Variants in PTPN21 observed in about 807,000 individuals in gnomAD.
PTPN21 encodes protein tyrosine phosphatase non-receptor type 21, also known as tyrosine-protein phosphatase non-receptor type 21.
A neutral mutation model predicts 131.8 loss-of-function variants in PTPN21; 77 were observed. The observed-to-expected ratio is 0.58, with a 90% confidence interval of 0.49 to 0.71. The LOEUF is 0.71. PTPN21 is among the 30% of genes least tolerant of loss of function. The probability of loss-of-function intolerance (pLI) is 0.00; values close to 1 mark genes in which losing one functional copy is unlikely to be tolerated. For synonymous variants in PTPN21, 715 were observed against 621.3 expected, an observed-to-expected ratio of 1.15 and a Z score of -2.24; for missense variants, 1,552 against 1,527.1, an observed-to-expected ratio of 1.02 and a Z score of -0.27.
chr14:88,517,661 C>CAGGTGTATATAT lies in PTPN21; in HGVS notation c.181-401_181-400insATATATACACCT, dbSNP rs1555388048. 1.1e-3 allele frequency among the ~76,000 whole-genome samples: 167 copies of CAGGTGTATATAT among 146,334 alleles called. 5 individuals carry two copies. Among genetic ancestry groups the CAGGTGTATATAT allele is most frequent in the African/African-American group, 3.7e-3 (149 of 39,950 alleles). ...AATTTATCATATATATGTATATATA[C>CAGGTGTATATAT]ACATACACACACATATGTATATATA... is the stretch of plus-strand genomic sequence containing the variant. On this transcript the variant is annotated intron_variant, in intron 2 of 18. Transcript: ENST00000556564.
chr14:88,533,378 T>C (rs1178154360), intron 2 of PTPN21, among the ~76,000 whole-genome samples: 1 of 152,206 alleles, frequency 6.6e-6, no homozygotes, highest in Admixed American at 6.5e-5. Flanking sequence ...TATCACATAG[T>C]GATGTTGTAG....
rs2077720697 is a variant in PTPN21, at chr14:88,485,643, C to T, written c.993+139G>A. On this transcript the variant is annotated intron_variant, in intron 11 of 18. Coordinates refer to ENST00000556564, the MANE Select transcript of PTPN21 (RefSeq NM_007039.4). ...AGGTTGGACCTATGGGAAAAAATTA[C>T]CATTTCTTTGGTTAAAAATGATGAA... 7.6e-6 allele frequency: 4 copies of T among 524,964 alleles called. No individual in the cohort carries two copies. In the Middle Eastern group the frequency reaches 1.2e-3, roughly 152 times the overall value. The allele number at this position is 524,964 out of a possible 1,614,324, so 32.5% of individuals were successfully genotyped here.
intron 10 of PTPN21, among the ~76,000 whole-genome samples, chr14:88,487,987 A>T (rs1032830562): frequency 6.7e-6 from 1 of 149,552 alleles, no homozygotes; most frequent in Non-Finnish European, 1.5e-5. Context: ...AAAAAAAAAT[A>T]GTGCCCAGAA....
In PTPN21 at chr14:88,479,858, G is replaced by A. The variant is rs201455493; in HGVS notation, c.1573C>T (p.Pro525Ser). The change falls in exon 13 of 19, where the codon CCC becomes TCC. Residue 525 changes from proline to serine, a missense_variant. Coordinates refer to ENST00000556564, the MANE Select transcript of PTPN21 (RefSeq NM_007039.4). ...ACGGGCCGCCGCTCGGCAGGGTAGG[G>A]GTAGGGAGACGGGCTGTGGAAGCTG... ...SYSFHSPSPY[P>S]YPAERRPVVG... 1 of 1,569,946 alleles carries A rather than the reference G, an allele frequency of 6.4e-7. No homozygotes were observed. Among genetic ancestry groups the A allele is most frequent in the South Asian group, 1.2e-5 (1 of 84,728 alleles).
chr14:88,478,542 GC>G (rs1232693207), intron 13 of PTPN21, among the ~76,000 whole-genome samples: 6 of 152,172 alleles, frequency 3.9e-5, no homozygotes, highest in African/African-American at 1.2e-4. Context: ...CCCCTGGGGT[GC>G]CACATCACCC....
At chr14:88,501,036 G>A in intron 7 of PTPN21, 165 bp from the exon 8 acceptor site, 1 of 640,788 alleles carries the variant, frequency 1.6e-6, no homozygotes, top group South Asian at 2.0e-5. Flanking sequence ...TTATAGGTAA[G>A]TATAAAAATT....
rs541247947 is a variant in PTPN21, at chr14:88,547,703, T to C, written c.180+2535A>G. ...AGGGACTGGTTACTGAGGCCTGCTG[T>C]TCTGGTTTTCTTTCTTCTTCTTCGG... On this transcript the variant is annotated intron_variant, in intron 2 of 18. Coordinates refer to ENST00000556564, the MANE Select transcript of PTPN21 (RefSeq NM_007039.4). 1.3e-3 allele frequency: 586 copies of C among 453,666 alleles called. 5 individuals carry two copies. Among genetic ancestry groups the C allele is most frequent in the Admixed American group, 1.3e-3 (54 of 42,000 alleles). The allele number at this position is 453,666 out of a possible 1,614,324, so 28.1% of individuals were successfully genotyped here.
rs750864725 is a variant in PTPN21, at chr14:88,468,897, T to G, written c.3396+19A>C. The stretch of plus-strand genomic sequence containing the variant: ...CTCATTTCCACCCAAAAAGGCCAGG[T>G]GATCATAAGCGCCATCACCTCATTG... On this transcript the variant is annotated intron_variant, in intron 18 of 18. Coordinates refer to ENST00000556564, the MANE Select transcript of PTPN21 (RefSeq NM_007039.4). 1.2e-6 allele frequency: 2 copies of G among 1,613,662 alleles called. No homozygotes were observed. The highest frequency in any genetic ancestry group is 2.7e-5 in the African/African-American group (2 of 74,882).
intron 4 of PTPN21, among the ~76,000 whole-genome samples, chr14:88,506,735 C>CTAAAGAACTTATTCATG (rs1204980897): frequency 6.6e-6 from 1 of 152,088 alleles, no homozygotes; most frequent in Non-Finnish European, 1.5e-5. Flanking sequence ...GAAATCACCA[C>CTAAAGAACTTATTCATG]TAAAGAACTT....
intron 12 of PTPN21, among the ~76,000 whole-genome samples, chr14:88,483,549 T>A (rs1238578704): frequency 6.6e-6 from 1 of 152,010 alleles, no homozygotes; most frequent in Non-Finnish European, 1.5e-5. Context: ...AACAATACAG[T>A]CACATCCCAC....
At chr14:88,552,823 TTAAA>T (rs1167599230) in intron 1 of PTPN21, among the ~76,000 whole-genome samples, 1 of 152,160 alleles carries the variant, frequency 6.6e-6, no homozygotes, top group Non-Finnish European at 1.5e-5. Context: ...AATGACAACT[TTAAA>T]TAATAAGCTT....
intron 4 of PTPN21, among the ~76,000 whole-genome samples, chr14:88,505,841 G>C (rs1009104523): frequency 6.6e-6 from 1 of 152,124 alleles, no homozygotes; most frequent in Non-Finnish European, 1.5e-5. Flanking sequence ...TTATGAAAAA[G>C]TAATTCTTAA....
chr14:88,510,874 G>GATAGATGA (rs1229058201), intron 3 of PTPN21, among the ~76,000 whole-genome samples: 1 of 151,818 alleles, frequency 6.6e-6, no homozygotes, highest in Non-Finnish European at 1.5e-5. Context: ...AGCAACTAAG[G>GATAGATGA]ATGGATGAAT....
At chr14:88,521,872 A>G (rs2078399717) in intron 2 of PTPN21, among the ~76,000 whole-genome samples, 1 of 152,158 alleles carries the variant, frequency 6.6e-6, no homozygotes, top group Non-Finnish European at 1.5e-5. Context: ...ACCTTTTGTG[A>G]ATGGACTGTA....
intron 3 of PTPN21, among the ~76,000 whole-genome samples, chr14:88,512,099 A>G (rs2078194991): frequency 6.6e-6 from 1 of 152,154 alleles, no homozygotes; most frequent in Non-Finnish European, 1.5e-5. Context: ...TCTCCTTATC[A>G]TGGTGCCTCA....
rs145960462 is a variant in PTPN21, at chr14:88,505,432, A to T, written c.449-61T>A. 488 of 1,203,408 alleles carry T rather than the reference A, an allele frequency of 4.1e-4. No homozygotes were observed. The African/African-American group carries it at 6.8e-3, about 17-fold the overall frequency. The allele number at this position is 1,203,408 out of a possible 1,614,324, so 74.5% of individuals were successfully genotyped here. On this transcript the variant is annotated intron_variant, in intron 4 of 18. Coordinates refer to ENST00000556564, the MANE Select transcript of PTPN21 (RefSeq NM_007039.4). Reference sequence around the variant, plus strand: ...TTAAATTTCATTGCAAAATATGCACAACAAAATTCAATACGCAGTATATCT... The same window carrying T: ...TTAAATTTCATTGCAAAATATGCACTACAAAATTCAATACGCAGTATATCT...
intron 4 of PTPN21, among the ~76,000 whole-genome samples, chr14:88,506,961 G>A (rs2078100633): frequency 1.3e-5 from 2 of 151,860 alleles, no homozygotes; most frequent in Admixed American, 6.6e-5. Context: ...CAGGAGAATC[G>A]CTTGAACCCA....
chr14:88,466,947 T>A lies in PTPN21; in HGVS notation c.*1190A>T, dbSNP rs1246956330. On this transcript the variant is annotated 3_prime_UTR_variant, in exon 19 of 19. Transcript: ENST00000556564. ...TTTAATGATACTATAATGCTGAATT[T>A]ATTTATGAAAAAGAAACAATACAGG... is the stretch of plus-strand genomic sequence containing the variant. 1.3e-5 allele frequency: 2 copies of A among 152,166 alleles called. No individual in the cohort carries two copies. The highest frequency in any genetic ancestry group is 6.5e-5 in the Admixed American group (1 of 15,272). The allele number at this position is 152,166 out of a possible 1,614,324, so 9.4% of individuals were successfully genotyped here. A position where few individuals can be genotyped will look rare whatever the true frequency, so the allele number is the denominator to read the frequency against.
Position 88,470,060 on chromosome 14 carries a change from G to A in PTPN21, c.2872-10C>T. On this transcript the variant is annotated splice_polypyrimidine_tract_variant and intron_variant, in intron 15 of 18. Coordinates refer to ENST00000556564, the MANE Select transcript of PTPN21 (RefSeq NM_007039.4). ...TTCCACTGACAGAGACCTGGGATTA[G>A]AAAAGGTTAAAAAAATTGATGTGTG... 1.9e-6 allele frequency: 3 copies of A among 1,610,906 alleles called. No homozygotes were observed. The highest frequency in any genetic ancestry group is 1.1e-5 in the South Asian group (1 of 91,012).
Sources: allele counts gnomAD v4.1 joint callset (sites outside exome capture counted in the v4.1 genomes callset), GRCh38; gene constraint gnomAD v4.1.1; transcripts MANE v1.5; gene names NCBI Gene and HGNC (gene_info 2026-07-23, HGNC 2026-07-21).